Variants in ANKS1B observed in about 807,000 individuals in gnomAD.
The protein encoded by ANKS1B is ankyrin repeat and sterile alpha motif domain containing 1B, also known as ankyrin repeat and sterile alpha motif domain-containing protein 1B.
A neutral mutation model predicts 148.3 loss-of-function variants in ANKS1B; 36 were observed. The observed-to-expected ratio is 0.24, with a 90% CI of 0.19 to 0.32. The LOEUF is 0.32. Ranked by LOEUF, ANKS1B falls within the 10% of genes least tolerant of loss-of-function variation. ANKS1B has a pLI of 1.00. For missense variants in ANKS1B, 1,157 were observed against 1,542.6 expected, an observed-to-expected ratio of 0.75 and a Z score of 4.19; for synonymous variants, 542 against 560.8, an observed-to-expected ratio of 0.97 and a Z score of 0.47.
chr12:98,847,180 G>A (rs1241947709), intron 17 of ANKS1B, among the ~76,000 whole-genome samples: 1 of 152,124 alleles, frequency 6.6e-6, no homozygotes, highest in East Asian at 1.9e-4. Context: ...ATACACTATT[G>A]TTAGTTACTG....
chr12:99,661,085 C>T (rs2098475289), intron 8 of ANKS1B, among the ~76,000 whole-genome samples: 1 of 152,090 alleles, frequency 6.6e-6, no homozygotes, highest in South Asian at 2.1e-4. Flanking sequence ...TTAACAGAAC[C>T]CGTTTAGTAT....
At chr12:99,220,932 A>T (rs1375060524) in intron 14 of ANKS1B, among the ~76,000 whole-genome samples, 1 of 152,236 alleles carries the variant, frequency 6.6e-6, no homozygotes, top group Non-Finnish European at 1.5e-5. Flanking sequence ...AGAAATTATA[A>T]TAAGATTCTT....
chr12:99,874,155 A>G (rs1295430075), intron 1 of ANKS1B, among the ~76,000 whole-genome samples: 1 of 151,932 alleles, frequency 6.6e-6, no homozygotes, highest in African/African-American at 2.4e-5. Context: ...ACTTTATTAT[A>G]TCCAAATAAC....
chr12:99,119,980 T>C (rs1411555712), intron 15 of ANKS1B, among the ~76,000 whole-genome samples: 2 of 152,206 alleles, frequency 1.3e-5, no homozygotes, highest in Non-Finnish European at 2.9e-5. Context: ...ATGGGAGCTA[T>C]ACATACATTT....
intron 8 of ANKS1B, among the ~76,000 whole-genome samples, chr12:99,716,963 C>G (rs970459398): frequency 7.9e-5 from 12 of 152,138 alleles, no homozygotes; most frequent in African/African-American, 2.7e-4. Context: ...CGTGACTAGC[C>G]CTCACCCACC....
chr12:99,230,050 C>A (rs185766981), intron 14 of ANKS1B, among the ~76,000 whole-genome samples: 1 of 152,094 alleles, frequency 6.6e-6, no homozygotes, highest in East Asian at 1.9e-4. Context: ...CTGTTAAGAT[C>A]TGCTATGTAC....
chr12:99,881,970 A>T (rs1483662554), intron 1 of ANKS1B, among the ~76,000 whole-genome samples: 1 of 152,232 alleles, frequency 6.6e-6, no homozygotes, highest in Non-Finnish European at 1.5e-5. Flanking sequence ...ACAGACATCA[A>T]TGCCAAGATG....
chr12:98,931,078 C>T (rs1307423162), intron 17 of ANKS1B, among the ~76,000 whole-genome samples: 8 of 152,016 alleles, frequency 5.3e-5, no homozygotes, highest in African/African-American at 1.9e-4. Flanking sequence ...GAGCAATAGC[C>T]TGAGGATAAT....
chr12:99,423,474 G>A (rs11109839), intron 11 of ANKS1B, among the ~76,000 whole-genome samples: 49 of 151,980 alleles, frequency 3.2e-4, no homozygotes, highest in Non-Finnish European at 5.7e-4. Flanking sequence ...CCCAGCAATC[G>A]CATTACTGGG....
In ANKS1B at chr12:99,305,582, T is replaced by C. The variant is rs113034996; in HGVS notation, c.1757-58718A>G. Among the ~76,000 whole-genome samples the C allele has an allele frequency of 2.0e-3, 303 of 152,238 alleles. 1 individual carries two copies. Among genetic ancestry groups the C allele is most frequent in the African/African-American group, 5.7e-3 (237 of 41,558 alleles). On this transcript the variant is annotated intron_variant, in intron 12 of 26. Coordinates refer to ENST00000683438, the MANE Select transcript of ANKS1B (RefSeq NM_001352186.2). ...TTTCTAGAAAGGAATATAAAGATTC[T>C]TACTCTCAGAATCCCTGGAAATACA...
chr12:98,820,188 G>T (rs1265691180), intron 19 of ANKS1B, among the ~76,000 whole-genome samples: 4 of 152,232 alleles, frequency 2.6e-5, no homozygotes, highest in Non-Finnish European at 5.9e-5. Flanking sequence ...ACAATATGGG[G>T]TGTTCATCAA....
intron 14 of ANKS1B, among the ~76,000 whole-genome samples, chr12:99,182,110 A>G (rs932642924): frequency 7.2e-5 from 11 of 152,126 alleles, no homozygotes; most frequent in Non-Finnish European, 1.6e-4. Context: ...GGAAACTTAT[A>G]ATCATGGCAG....
chr12:98,867,694 C>G (rs141793451), intron 17 of ANKS1B, among the ~76,000 whole-genome samples: 8 of 152,058 alleles, frequency 5.3e-5, no homozygotes, highest in African/African-American at 4.8e-5. Flanking sequence ...AACCCCGTCT[C>G]TACTAAAAAT....
At chr12:98,900,814 T>C (rs2099770915) in intron 17 of ANKS1B, among the ~76,000 whole-genome samples, 1 of 152,224 alleles carries the variant, frequency 6.6e-6, no homozygotes. Flanking sequence ...TGATGTCATA[T>C]GTCGAGCTGG....
At chr12:99,467,818 T>C (rs2096154622) in intron 10 of ANKS1B, among the ~76,000 whole-genome samples, 1 of 152,244 alleles carries the variant, frequency 6.6e-6, no homozygotes, top group Non-Finnish European at 1.5e-5. Flanking sequence ...GAACATTCCA[T>C]GCTCATGGGT....
chr12:99,488,632 C>T (rs1367384610), intron 10 of ANKS1B, among the ~76,000 whole-genome samples: 1 of 152,142 alleles, frequency 6.6e-6, no homozygotes, highest in African/African-American at 2.4e-5. Flanking sequence ...CTGGCCCTAG[C>T]TCCAGTGAAG....
chr12:99,281,620 T>C (rs1477956030), intron 12 of ANKS1B, among the ~76,000 whole-genome samples: 1 of 152,210 alleles, frequency 6.6e-6, no homozygotes, highest in Non-Finnish European at 1.5e-5. Flanking sequence ...TATTTTTTTC[T>C]GGCTATACAA....
chr12:98,847,580 A>G (rs1004454967), intron 17 of ANKS1B, among the ~76,000 whole-genome samples: 2 of 133,102 alleles, frequency 1.5e-5, no homozygotes, highest in East Asian at 2.3e-4. Flanking sequence ...GAGTGCAGGT[A>G]TCTCCTCAAG....
At chr12:99,418,936 T>C (rs549326282) in intron 11 of ANKS1B, among the ~76,000 whole-genome samples, 2 of 152,338 alleles carry the variant, frequency 1.3e-5, no homozygotes, top group South Asian at 2.1e-4. Context: ...TTCTTCTTTA[T>C]TGATTTCAAA....
Sources: gnomAD v4.1 joint callset for allele counts (sites outside exome capture counted in the v4.1 genomes callset) on GRCh38, gnomAD v4.1.1 for gene constraint, MANE v1.5 for transcripts, NCBI Gene and HGNC (gene_info 2026-07-23, HGNC 2026-07-21) for gene names.